PTK2B: variants seen among roughly 807,000 people sequenced by gnomAD.
PTK2B encodes the protein protein tyrosine kinase 2 beta.
PTK2B carries 71 observed loss-of-function variants against 142.9 expected under a neutral mutation model. The ratio of observed to expected loss-of-function variants is 0.50; its 90% confidence interval spans 0.41 to 0.61. The LOEUF is 0.61. Ranked by LOEUF, PTK2B falls within the 20% of genes least tolerant of loss-of-function variation. The pLI is 0.00. For synonymous variants in PTK2B, 519 were observed against 503.4 expected, an observed-to-expected ratio of 1.03 and a Z score of -0.42; for missense variants, 1,105 against 1,320.4, an observed-to-expected ratio of 0.84 and a Z score of 2.53.
At chr8:27,422,151 CG>C in intron 4 of PTK2B, 152 bp from the exon 5 acceptor site, 1 of 633,798 alleles carries the variant, frequency 1.6e-6, no homozygotes, top group South Asian at 2.6e-5. Flanking sequence ...CCTTTCCCCT[CG>C]TGCTCTCCAT....
At chr8:27,411,840 C>T (rs1369232643) in intron 2 of PTK2B, among the ~76,000 whole-genome samples, 2 of 152,210 alleles carry the variant, frequency 1.3e-5, no homozygotes, top group African/African-American at 4.8e-5. Context: ...CAATTGCAAG[C>T]TCCAGGATTC....
intron 3 of PTK2B, among the ~76,000 whole-genome samples, chr8:27,319,671 A>C (rs1424972722): frequency 6.6e-6 from 1 of 151,212 alleles, no homozygotes; most frequent in Middle Eastern, 3.2e-3. Context: ...AAAAATTACA[A>C]CAGGACATAA....
At chr8:27,383,858 T>A (rs1399397942) in intron 1 of PTK2B, among the ~76,000 whole-genome samples, 1 of 145,096 alleles carries the variant, frequency 6.9e-6, no homozygotes, top group East Asian at 2.0e-4. Context: ...GCTAATTTTT[T>A]TTTTTTTGAG....
At chr8:27,417,136 G>T (rs28863257) in intron 2 of PTK2B, among the ~76,000 whole-genome samples, 109 of 152,304 alleles carry the variant, frequency 7.2e-4, no homozygotes, top group African/African-American at 2.5e-3. Flanking sequence ...CTTGCACATT[G>T]ATGTTCATAG....
Position 27,440,481 on chromosome 8 carries a change from G to A in PTK2B, c.2039+40G>A, listed in dbSNP as rs753427309. The A allele has an allele frequency of 1.1e-5, 17 of 1,591,334 alleles. No individual in the cohort carries two copies. The South Asian group carries it at 1.2e-4, about 11-fold the overall frequency. On this transcript the variant is annotated intron_variant, in intron 21 of 30. Coordinates refer to ENST00000346049, the MANE Select transcript of PTK2B (RefSeq NM_173176.3). Reference sequence around the variant, plus strand: ...TGGGCTGTGGGCTGGGGGCCCACCCGGCTGCACCAGGGAGCAAGACCAGCA... The same window carrying A: ...TGGGCTGTGGGCTGGGGGCCCACCCAGCTGCACCAGGGAGCAAGACCAGCA...
intron 1 of PTK2B, among the ~76,000 whole-genome samples, chr8:27,333,306 TC>T (rs1803870273): frequency 1.3e-5 from 2 of 152,290 alleles, no homozygotes; most frequent in African/African-American, 4.8e-5. Context: ...TTGGGAGTTA[TC>T]CTGGAAGTCC....
Position 27,458,598 on chromosome 8 carries a change from G to C in PTK2B, c.*89G>C. ...GCTGTTGGTCATGTGGGTCTTCCAG[G>C]GGGAAGGCCAAGGGGAGTCACCTTC... is the stretch of plus-strand genomic sequence containing the variant. On this transcript the variant is annotated 3_prime_UTR_variant, in exon 31 of 31. Transcript: ENST00000346049. The C allele has an allele frequency of 7.1e-7, 1 of 1,400,776 alleles. No homozygotes were observed. The highest frequency in any genetic ancestry group is 9.7e-7 in the Non-Finnish European group (1 of 1,030,724). 86.8% of individuals were successfully genotyped at this position (1,400,776 alleles called of 1,614,324 possible).
At chr8:27,323,939 T>TA (rs1563457399), upstream of PTK2B, among the ~76,000 whole-genome samples, 2 of 151,918 alleles carry the variant, frequency 1.3e-5, no homozygotes, top group African/African-American at 4.8e-5. Flanking sequence ...ACACAAACTC[T>TA]CCTTTTCTTA....
At chr8:27,408,792 T>A (rs966996407) in intron 2 of PTK2B, among the ~76,000 whole-genome samples, 1 of 152,254 alleles carries the variant, frequency 6.6e-6, no homozygotes, top group Non-Finnish European at 1.5e-5. Flanking sequence ...GTTTTAGCTC[T>A]AACTGGTCAA....
At chr8:27,373,499 A>C (rs370627024) in intron 1 of PTK2B, among the ~76,000 whole-genome samples, 1 of 151,972 alleles carries the variant, frequency 6.6e-6, no homozygotes, top group East Asian at 1.9e-4. Context: ...CCCTGCCTCT[A>C]TATTGTGTAA....
chr8:27,388,748 A>G (rs1807526072), intron 1 of PTK2B, among the ~76,000 whole-genome samples: 1 of 152,216 alleles, frequency 6.6e-6, no homozygotes, highest in Non-Finnish European at 1.5e-5. Context: ...GCTACAAATC[A>G]AGGCATCCTT....
intron 29 of PTK2B, 88 bp downstream of exon 29, chr8:27,454,379 G>A (rs1812014715): frequency 3.8e-6 from 6 of 1,565,910 alleles, no homozygotes; most frequent in Non-Finnish European, 4.3e-6. Flanking sequence ...GGCTGGCCCA[G>A]CAGATCCTCT....
At chr8:27,430,256 A>G (rs1810326542) in intron 6 of PTK2B, 101 bp downstream of exon 6, 2 of 1,579,148 alleles carry the variant, frequency 1.3e-6, no homozygotes, top group African/African-American at 2.7e-5. Flanking sequence ...AGAGCCACAT[A>G]GGGCCGTCTC....
At chr8:27,331,553 A>G (rs1201631099) in intron 1 of PTK2B, among the ~76,000 whole-genome samples, 1 of 150,938 alleles carries the variant, frequency 6.6e-6, no homozygotes, top group African/African-American at 2.4e-5. Context: ...CACCTGGCTT[A>G]TTTTCTTTCT....
rs77071191 is a variant in PTK2B at position 27,353,293 on chromosome 8, A to G, written c.-38+27612A>G. ...AATACTCAAGGGCAGTAGGGAGTGG[A>G]TGGGGAGATACCACATCAGGCTAGT... On this transcript the variant is annotated intron_variant, in intron 1 of 30. Coordinates refer to ENST00000346049, the MANE Select transcript of PTK2B (RefSeq NM_173176.3). 2.2e-4 allele frequency among the ~76,000 whole-genome samples: 34 copies of G among 152,290 alleles called. 1 individual carries two copies. In the East Asian group the frequency reaches 6.2e-3, roughly 28 times the overall value.
chr8:27,359,648 T>C (rs1805586680), intron 1 of PTK2B, among the ~76,000 whole-genome samples: 1 of 152,150 alleles, frequency 6.6e-6, no homozygotes, highest in African/African-American at 2.4e-5. Flanking sequence ...ATCTCTGGAT[T>C]TGTTTTTATT....
At chr8:27,436,186 A>C in intron 14 of PTK2B, 65 bp from the exon 15 acceptor site, 1 of 1,504,630 alleles carries the variant, frequency 6.6e-7, no homozygotes, top group South Asian at 1.1e-5. Context: ...GCCTGCAGAC[A>C]CTCAGGTTCC....
chr8:27,416,900 C>A (rs948352414), intron 2 of PTK2B, among the ~76,000 whole-genome samples: 2 of 152,106 alleles, frequency 1.3e-5, no homozygotes, highest in African/African-American at 2.4e-5. Context: ...ATTACAAGCA[C>A]AATGAGACAC....
intron 6 of PTK2B, 68 bp from the exon 7 acceptor site, chr8:27,430,296 G>T (rs1011518630): frequency 1.2e-6 from 2 of 1,605,600 alleles, no homozygotes; most frequent in Non-Finnish European, 1.7e-6. Context: ...ACCTCTTCCT[G>T]ATTGGCCCGC....
Sources: gnomAD v4.1 joint callset for allele counts (sites outside exome capture counted in the v4.1 genomes callset) on GRCh38, gnomAD v4.1.1 for gene constraint, MANE v1.5 for transcripts, NCBI Gene and HGNC (gene_info 2026-07-23, HGNC 2026-07-21) for gene names.